Variants in TENT2 observed in about 807,000 individuals in gnomAD.
The protein encoded by TENT2 is poly(A) RNA polymerase GLD2.
Under a neutral mutation model 72.2 loss-of-function variants are expected in TENT2, and 44 were observed. The ratio of observed to expected loss-of-function variants is 0.61; its 90% CI spans 0.48 to 0.78. The LOEUF (loss-of-function observed/expected upper bound fraction) is 0.78, where lower values mean the gene tolerates loss of function less well. Ranked by LOEUF, TENT2 falls within the 30% of genes least tolerant of loss-of-function variation. The pLI, the probability that TENT2 is intolerant of heterozygous loss-of-function variation, is 0.00. For missense variants in TENT2, 541 were observed against 569.6 expected (o/e 0.95, Z 0.51); for synonymous variants, 212 against 192.5 (o/e 1.10, Z -0.84).
rs767055942 is a variant in TENT2, at chr5:79,669,031, A to G, written c.1208+3A>G. ...AAATATTATGCTACAGAATTTGAGT[A>G]AGTAAAACTTTAAATTGTGTTTGTT... On this transcript the variant is annotated splice_donor_region_variant and intron_variant, in intron 12 of 14. Coordinates refer to ENST00000453514, the MANE Select transcript of TENT2 (RefSeq NM_001114394.3). 2 of 1,613,276 alleles carry G rather than the reference A, an allele frequency of 1.2e-6. No homozygotes were observed. Among genetic ancestry groups the G allele is most frequent in the Non-Finnish European group, 1.7e-6 (2 of 1,179,628 alleles).
chr5:79,644,103 T>G (rs1341034116), intron 7 of TENT2, among the ~76,000 whole-genome samples: 1 of 151,964 alleles, frequency 6.6e-6, no homozygotes, highest in Non-Finnish European at 1.5e-5. Context: ...TGCCTCAGCC[T>G]CCTGATTAAC....
chr5:79,660,680 G>A (rs1043501516), intron 11 of TENT2, among the ~76,000 whole-genome samples: 1 of 152,134 alleles, frequency 6.6e-6, no homozygotes, highest in Admixed American at 6.5e-5. Flanking sequence ...TCATAAGATG[G>A]TGATAGAGCT....
intron 4 of TENT2, among the ~76,000 whole-genome samples, chr5:79,632,808 A>G (rs1249641316): frequency 1.3e-5 from 2 of 152,206 alleles, no homozygotes; most frequent in African/African-American, 2.4e-5. Flanking sequence ...CCACTGAGAT[A>G]TAAATTTACA....
chr5:79,666,455 T>G (rs1181070720), intron 11 of TENT2, among the ~76,000 whole-genome samples: 2 of 151,826 alleles, frequency 1.3e-5, no homozygotes, highest in African/African-American at 4.8e-5. Flanking sequence ...CTCAGCTGCT[T>G]CTCTCACCTC....
chr5:79,657,211 G>A (rs1377616915), intron 11 of TENT2, among the ~76,000 whole-genome samples: 1 of 152,016 alleles, frequency 6.6e-6, no homozygotes, highest in Non-Finnish European at 1.5e-5. Context: ...AGTCTGGTCA[G>A]TTGTGTTAAT....
At chr5:79,645,416 A>G (rs945384446) in intron 8 of TENT2, among the ~76,000 whole-genome samples, 2 of 151,784 alleles carry the variant, frequency 1.3e-5, no homozygotes, top group African/African-American at 2.4e-5. Context: ...ATGTGAGACT[A>G]TCTAATTTAA....
chr5:79,676,729 A>G (rs1817634002), intron 12 of TENT2, among the ~76,000 whole-genome samples: 1 of 152,214 alleles, frequency 6.6e-6, no homozygotes, highest in African/African-American at 2.4e-5. Context: ...ATGTATTATC[A>G]GTGTATTTTA....
intron 7 of TENT2, among the ~76,000 whole-genome samples, chr5:79,643,365 T>A (rs1404912795): frequency 6.6e-6 from 1 of 152,234 alleles, no homozygotes; most frequent in Non-Finnish European, 1.5e-5. Context: ...AATGTATTAC[T>A]TCAACAGAAA....
Position 79,623,342 on chromosome 5 carries a change from A to G in TENT2, c.318A>G (p.Ile106Met). The change falls in exon 4 of 15, where the codon ATA becomes ATG. Residue 106 changes from isoleucine to methionine, a missense_variant. Ile to Met is a conservative substitution (Grantham distance 10, BLOSUM62 1). Transcript: ENST00000453514. ...AAGAGCCAACTGTAGTTAACCAGAT[A>G]GTGCCTTTATCAGGTGAACGAAGAT... ...PHQEPTVVNQIVPLSGERRYS... is the reference protein window; with the variant it reads ...PHQEPTVVNQMVPLSGERRYS... 6.2e-7 allele frequency: 1 copy of G among 1,613,820 alleles called. No individual in the cohort carries two copies. Among genetic ancestry groups the G allele is most frequent in the South Asian group, 1.1e-5 (1 of 91,032 alleles).
At chr5:79,679,427 G>A in intron 12 of TENT2, 152 bp from the exon 13 acceptor site, 2 of 408,558 alleles carry the variant, frequency 4.9e-6, no homozygotes, top group Non-Finnish European at 8.6e-6. Context: ...AAAATATAGA[G>A]GTGGGAAATA....
Position 79,687,002 on chromosome 5 carries a change from G to T in TENT2, c.*1729G>T, listed in dbSNP as rs1826252716. Among the ~76,000 whole-genome samples, 1 of 152,092 alleles carries T rather than the reference G, an allele frequency of 6.6e-6. No homozygotes were observed. Among genetic ancestry groups the T allele is most frequent in the African/African-American group, 2.4e-5 (1 of 41,432 alleles). On this transcript the variant is annotated 3_prime_UTR_variant, in exon 15 of 15. Coordinates refer to ENST00000453514, the MANE Select transcript of TENT2 (RefSeq NM_001114394.3). ...TCAGTAATACTGTGCAACTTTCAGG[G>T]ATGGGTAAGTATGTACCCTCTGCCT... is the stretch of plus-strand genomic sequence containing the variant.
At chr5:79,632,951 G>A (rs1354703557) in intron 4 of TENT2, among the ~76,000 whole-genome samples, 1 of 152,060 alleles carries the variant, frequency 6.6e-6, no homozygotes, top group Non-Finnish European at 1.5e-5. Context: ...GACTTCAGGG[G>A]GAAAACAATC....
At chr5:79,663,178 G>A (rs964573655) in intron 11 of TENT2, among the ~76,000 whole-genome samples, 1 of 152,160 alleles carries the variant, frequency 6.6e-6, no homozygotes, top group African/African-American at 2.4e-5. Flanking sequence ...TCTTGCTCTG[G>A]TTAGGTTTTG....
chr5:79,667,773 A>G (rs1048864983), intron 11 of TENT2, among the ~76,000 whole-genome samples: 8 of 152,088 alleles, frequency 5.3e-5, no homozygotes, highest in African/African-American at 1.9e-4. Flanking sequence ...GCATTAAATG[A>G]TGCACTATGC....
At chr5:79,653,742 A>G (rs914901666) in intron 10 of TENT2, among the ~76,000 whole-genome samples, 5 of 152,186 alleles carry the variant, frequency 3.3e-5, no homozygotes, top group African/African-American at 1.2e-4. Context: ...GATGATTAAA[A>G]TAGTTGCTTT....
rs1287464887 is a variant in TENT2 at position 79,649,062 on chromosome 5, T to C, written c.899T>C (p.Leu300Pro). Reference sequence around the variant, plus strand: ...TGTTAAGTTTTAATTTTACTTTCAGTTGAAAATCGAGTTCGTCCGTTAGTG... The same window carrying C: ...TGTTAAGTTTTAATTTTACTTTCAGCTGAAAATCGAGTTCGTCCGTTAGTG... ...NTFLLRTYAYLENRVRPLVLV... is the reference protein window; with the variant it reads ...NTFLLRTYAYPENRVRPLVLV... The change falls in exon 10 of 15, where the codon CTT becomes CCT. Residue 300 changes from leucine to proline, a missense_variant and splice_region_variant. Coordinates refer to ENST00000453514, the MANE Select transcript of TENT2 (RefSeq NM_001114394.3). The C allele has an allele frequency of 6.2e-7, 1 of 1,612,912 alleles. No homozygotes were observed. The highest frequency in any genetic ancestry group is 8.5e-7 in the Non-Finnish European group (1 of 1,179,336).
chr5:79,623,072 A>G (rs1405282016), intron 3 of TENT2, among the ~76,000 whole-genome samples, 180 bp from the exon 4 acceptor site: 1 of 152,024 alleles, frequency 6.6e-6, no homozygotes, highest in Non-Finnish European at 1.5e-5. Flanking sequence ...TAAGGTGTTG[A>G]GAGGCATTTC....
At chr5:79,635,650 G>A (rs542818076) in intron 4 of TENT2, among the ~76,000 whole-genome samples, 114 of 152,246 alleles carry the variant, frequency 7.5e-4, no homozygotes, top group Non-Finnish European at 1.4e-3. Flanking sequence ...TGCCTCCAGG[G>A]TTCAAGCGAT....
Position 79,619,707 on chromosome 5 carries a change from A to G in TENT2, c.59A>G (p.Asn20Ser), listed in dbSNP as rs759734788. 1 of 1,613,832 alleles carries G rather than the reference A, an allele frequency of 6.2e-7. No individual in the cohort carries two copies. Among genetic ancestry groups the G allele is most frequent in the East Asian group, 2.2e-5 (1 of 44,862 alleles). The change falls in exon 2 of 15, where the codon AAT becomes AGT. Residue 20 changes from asparagine to serine, a missense_variant. By Grantham distance (46) the Asn-to-Ser change is conservative (BLOSUM62 1). Coordinates refer to ENST00000453514, the MANE Select transcript of TENT2 (RefSeq NM_001114394.3). Reference protein sequence around the residue: ...PPFTPNHQQHNNFFTLSPTVY... With the variant: ...PPFTPNHQQHSNFFTLSPTVY... The stretch of plus-strand genomic sequence containing the variant: ...TTCACTCCAAATCATCAACAACATA[A>G]TAACTTCTTTACCCTGTCACCTACT...
Sources: gnomAD v4.1 joint callset for allele counts (sites outside exome capture counted in the v4.1 genomes callset) on GRCh38, gnomAD v4.1.1 for gene constraint, MANE v1.5 for transcripts, NCBI Gene and HGNC (gene_info 2026-07-23, HGNC 2026-07-21) for gene names.